TTC31: variants seen among roughly 807,000 people sequenced by gnomAD.
TTC31 encodes tetratricopeptide repeat protein 31.
TTC31 carries 59 observed loss-of-function variants against 60.4 expected under a neutral mutation model. The observed-to-expected ratio is 0.98, with a 90% CI of 0.79 to 1.21. The LOEUF is 1.21. Among genes scored for constraint, TTC31 ranks in the 50% most tolerant of loss-of-function variants. TTC31 has a pLI of 0.00. For synonymous variants in TTC31, 225 were observed against 249.6 expected (o/e 0.90, Z 0.93); for missense variants, 672 against 646.9 (o/e 1.04, Z -0.42).
chr2:74,491,986 T>G lies in TTC31; in HGVS notation c.877-18T>G. 1 of 1,614,176 alleles carries G rather than the reference T, an allele frequency of 6.2e-7. No homozygotes were observed. The highest frequency in any genetic ancestry group is 2.2e-5 in the East Asian group (1 of 44,880). On this transcript the variant is annotated intron_variant, in intron 8 of 12. Transcript: ENST00000233623. ...GCTGAGACCTCAAGACCTGCTTGAC[T>G]TTGCACCCTATCCCCAGGCATCTCC...
rs778018836 is a variant in TTC31, at chr2:74,483,385, T to G, written c.104T>G (p.Phe35Cys). 2.5e-6 allele frequency: 4 copies of G among 1,614,150 alleles called. No individual in the cohort carries two copies. In the South Asian group the frequency reaches 4.4e-5, roughly 18 times the overall value. Residue 35 changes from phenylalanine to cysteine, a missense_variant, in exon 2 of 13, where the codon TTC becomes TGC. Phe to Cys is a radical substitution (Grantham distance 205, BLOSUM62 -2). Transcript: ENST00000233623. Reference sequence around the variant, plus strand: ...GCTGCACCCAAACTTTGCAAGGAATTCGGTCCAGAGGATTACGGCGAAGAG... The same window carrying G: ...GCTGCACCCAAACTTTGCAAGGAATGCGGTCCAGAGGATTACGGCGAAGAG... The part of the protein sequence containing the change: ...VAAAPKLCKE[F>C]GPEDYGEEDI...
chr2:74,487,026 C>T (rs1296642594), intron 2 of TTC31, among the ~76,000 whole-genome samples: 1 of 152,142 alleles, frequency 6.6e-6, no homozygotes, highest in African/African-American at 2.4e-5. Flanking sequence ...AGTGCAAAGC[C>T]CTAAGATGGG....
At position 74,493,361 on chromosome 2, in the gene TTC31, A is replaced by G; in HGVS notation, c.*143A>G. On this transcript the variant is annotated 3_prime_UTR_variant, in exon 13 of 13. Transcript: ENST00000233623. Reference sequence around the variant, plus strand: ...TGCCCTGGCAGTCATTCCTCTTGCCATGGGGAAGCTTCTGATGAGAGAAAG... The same window carrying G: ...TGCCCTGGCAGTCATTCCTCTTGCCGTGGGGAAGCTTCTGATGAGAGAAAG... 1 of 883,744 alleles carries G rather than the reference A, an allele frequency of 1.1e-6. No homozygotes were observed. The highest frequency in any genetic ancestry group is 2.7e-5 in the East Asian group (1 of 36,736). The allele number at this position is 883,744 out of a possible 1,614,324, so 54.7% of individuals were successfully genotyped here.
At position 74,493,134 on chromosome 2, in the gene TTC31, GC is replaced by G; in HGVS notation, c.1480del (p.His494IlefsTer49). 2.5e-6 allele frequency: 4 copies of G among 1,614,084 alleles called. No individual in the cohort carries two copies. Among genetic ancestry groups the G allele is most frequent in the Non-Finnish European group, 2.5e-6 (3 of 1,180,002 alleles). ...QPLSQTQSRRPHPLKPQDPSK... is the reference protein window; with the variant it reads ...QPLSQTQSRRXHPLKPQDPSK... ...CCCTCTCCCAGACTCAGAGTAGAAG[GC>G]CCCATCCTCTCAAGCCCCAGGACCC... On this transcript the variant is annotated frameshift_variant, in exon 13 of 13. Transcript: ENST00000233623. LOFTEE classifies it high-confidence loss of function.
chr2:74,491,219 T>G, intron 6 of TTC31, 35 bp downstream of exon 6: 2 of 1,614,142 alleles, frequency 1.2e-6, no homozygotes, highest in Non-Finnish European at 1.7e-6. Context: ...GAGCACCAAG[T>G]GCCAGGAAGG....
At chr2:74,484,237 A>C (rs1170304110) in intron 2 of TTC31, among the ~76,000 whole-genome samples, 1 of 149,448 alleles carries the variant, frequency 6.7e-6, no homozygotes, top group Non-Finnish European at 1.5e-5. Context: ...ACTCCATTTC[A>C]AAAAAAAAAT....
rs370970504 is a variant in TTC31 at position 74,483,427 on chromosome 2, G to C, written c.129+17G>C. On this transcript the variant is annotated intron_variant, in intron 2 of 12. Transcript: ENST00000233623. ...GGCGAAGAGGTAAAAGCGACCCTCA[G>C]TTTCCCCCAGTCCTGCTCATTTTGG... The C allele has an allele frequency of 3.0e-5, 49 of 1,614,034 alleles. No individual in the cohort carries two copies. The highest frequency in any genetic ancestry group is 4.0e-5 in the Non-Finnish European group (47 of 1,180,034).
chr2:74,483,599 G>A (rs1672710505), intron 2 of TTC31, 189 bp downstream of exon 2: 1 of 1,452,758 alleles, frequency 6.9e-7, no homozygotes, highest in African/African-American at 1.4e-5. Context: ...GGATGATCCT[G>A]ATGTAACAGA....
chr2:74,484,758 A>T (rs1166330764), intron 2 of TTC31, among the ~76,000 whole-genome samples: 1 of 151,806 alleles, frequency 6.6e-6, no homozygotes, highest in Non-Finnish European at 1.5e-5. Flanking sequence ...TGCCCGGTAG[A>T]CAGCAGGGTT....
Position 74,492,925 on chromosome 2 carries a change from G to C in TTC31, c.1267G>C (p.Gly423Arg). The C allele has an allele frequency of 3.7e-6, 6 of 1,602,816 alleles. No homozygotes were observed. Among genetic ancestry groups the C allele is most frequent in the Non-Finnish European group, 5.1e-6 (6 of 1,171,762 alleles). Residue 423 changes from glycine (G) to arginine (R), a missense_variant, in exon 13 of 13, where the codon GGT becomes CGT. Coordinates refer to ENST00000233623, the MANE Select transcript of TTC31 (RefSeq NM_022492.6). ...GCCCTTCTCTCTCCCTTCTCAGCAG[G>C]GTCAGCGAGGAGGAATCTGTGCACC... ...RSCLLHLTLQ[G>R]QRGGICAPPL...
chr2:74,485,979 C>T (rs1000074070), intron 2 of TTC31, among the ~76,000 whole-genome samples: 18 of 151,846 alleles, frequency 1.2e-4, no homozygotes, highest in Admixed American at 3.9e-4. Flanking sequence ...ATAAAGTCTA[C>T]ACTCACGGCC....
In TTC31 at chr2:74,491,503, C is replaced by T. The variant is rs751260207; in HGVS notation, c.707C>T (p.Thr236Ile). Residue 236 changes from threonine (T) to isoleucine (I), a missense_variant, in exon 8 of 13, where the codon ACT (threonine) becomes ATT (isoleucine). Coordinates refer to ENST00000233623, the MANE Select transcript of TTC31 (RefSeq NM_022492.6). ...CAGGACTCACTGGATCTATCTAGCACTTTTGTGTCTCTGGCTTTGCGCAAG... is the reference window on the plus strand; with the variant it reads ...CAGGACTCACTGGATCTATCTAGCATTTTTGTGTCTCTGGCTTTGCGCAAG... ...EEEDSLDLSS[T>I]FVSLALRKVG... is the part of the protein sequence containing the mutation. 1 of 1,613,156 alleles carries T rather than the reference C, an allele frequency of 6.2e-7. No individual in the cohort carries two copies. The highest frequency in any genetic ancestry group is 8.5e-7 in the Non-Finnish European group (1 of 1,179,616).
intron 1 of TTC31, 87 bp downstream of exon 1, chr2:74,483,222 G>C: frequency 6.2e-7 from 1 of 1,613,518 alleles, no homozygotes; most frequent in African/African-American, 1.3e-5. Flanking sequence ...GTTTCGAGTA[G>C]GATTTTATGC....
chr2:74,484,200 G>A (rs962968364), intron 2 of TTC31, among the ~76,000 whole-genome samples: 1 of 150,866 alleles, frequency 6.6e-6, no homozygotes, highest in Non-Finnish European at 1.5e-5. Context: ...TCACACCACT[G>A]CACTCCAGCC....
chr2:74,490,666 G>C lies in TTC31; in HGVS notation c.473G>C (p.Arg158Pro). 6.2e-7 allele frequency: 1 copy of C among 1,613,766 alleles called. No individual in the cohort carries two copies. The highest frequency in any genetic ancestry group is 1.3e-5 in the African/African-American group (1 of 74,960). Reference sequence around the variant, plus strand: ...CCCTTCGTCCTTCAGGAAGCCAATCGCCTGGCTGAGGAGCTGGTGGCTGAG... The same window carrying C: ...CCCTTCGTCCTTCAGGAAGCCAATCCCCTGGCTGAGGAGCTGGTGGCTGAG... ...KLLVTEEEAN[R>P]LAEELVAEEE... The change falls in exon 5 of 13, where the codon CGC becomes CCC. Residue 158 changes from arginine (R) to proline (P), a missense_variant. Coordinates refer to ENST00000233623, the MANE Select transcript of TTC31 (RefSeq NM_022492.6).
chr2:74,491,710 G>T, intron 8 of TTC31, 38 bp downstream of exon 8: 2 of 1,604,534 alleles, frequency 1.2e-6, no homozygotes, highest in Non-Finnish European at 1.7e-6. Context: ...CTGGAACCGT[G>T]GAAGGGGCAC....
Position 74,492,102 on chromosome 2 carries a change from G to A in TTC31, c.929-37G>A, listed in dbSNP as rs780130289. On this transcript the variant is annotated intron_variant, in intron 9 of 12. Coordinates refer to ENST00000233623, the MANE Select transcript of TTC31 (RefSeq NM_022492.6). ...TCCTCACCCCACCCTCCCTGGGGTAGCCCCATCTGAACCTTCTCACCCTCT... is the reference window on the plus strand; with the variant it reads ...TCCTCACCCCACCCTCCCTGGGGTAACCCCATCTGAACCTTCTCACCCTCT... 8 of 1,613,702 alleles carry A rather than the reference G, an allele frequency of 5.0e-6. No individual in the cohort carries two copies. The African/African-American group carries it at 9.3e-5, about 19-fold the overall frequency.
intron 5 of TTC31, 169 bp downstream of exon 5, chr2:74,490,908 G>A: frequency 1.1e-6 from 1 of 891,070 alleles, no homozygotes; most frequent in South Asian, 1.7e-5. Flanking sequence ...GCCATCTGGT[G>A]CAGTGGTTCT....
At chr2:74,484,381 A>G (rs1219760457) in intron 2 of TTC31, among the ~76,000 whole-genome samples, 2 of 152,180 alleles carry the variant, frequency 1.3e-5, no homozygotes, top group Non-Finnish European at 2.9e-5. Context: ...GGGGTGGGAG[A>G]GAAGGCAGCA....
Sources: gnomAD v4.1 joint callset for allele counts (sites outside exome capture counted in the v4.1 genomes callset) on GRCh38, gnomAD v4.1.1 for gene constraint, MANE v1.5 for transcripts, NCBI Gene and HGNC (gene_info 2026-07-23, HGNC 2026-07-21) for gene names.